CFAP68: variants seen among roughly 807,000 people sequenced by gnomAD.
CFAP68 encodes cilia and flagella associated protein 68, also known as cilia- and flagella-associated protein 68.
chr11:111,881,716 C>G, the CFAP68 span: 1 of 1,301,534 alleles, frequency 7.7e-7, no homozygotes. Flanking sequence ...CATTGATCAT[C>G]TGGTATATGC....
the CFAP68 span, chr11:111,882,655 T>G: frequency 1.4e-6 from 2 of 1,404,826 alleles, no homozygotes; most frequent in Non-Finnish European, 1.9e-6. Flanking sequence ...AAAAGAAATG[T>G]AGTGGCCATT....
chr11:111,883,845 A>G, the CFAP68 span: 1 of 1,612,748 alleles, frequency 6.2e-7, no homozygotes, highest in Non-Finnish European at 8.5e-7. Flanking sequence ...ATGCACAGAA[A>G]AGTCAACTTA....
At chr11:111,882,418 T>A in the CFAP68 span, 5 of 1,614,228 alleles carry the variant, frequency 3.1e-6, no homozygotes, top group Non-Finnish European at 3.4e-6. Flanking sequence ...GCAGCCTTGT[T>A]AATGCAGATG....
chr11:111,880,936 C>A, the CFAP68 span: 1 of 372,158 alleles, frequency 2.7e-6, no homozygotes, highest in South Asian at 2.0e-5. Context: ...ATTATACTTT[C>A]ACTTTGAAAA....
the CFAP68 span, chr11:111,885,624 G>C: frequency 6.6e-6 from 1 of 152,068 alleles, no homozygotes; most frequent in African/African-American, 2.4e-5. Context: ...GGTAAACTTA[G>C]GAAATCAACA....
At chr11:111,883,870 C>G in the CFAP68 span, 1 of 1,596,958 alleles carries the variant, frequency 6.3e-7, no homozygotes, top group Non-Finnish European at 8.6e-7. Flanking sequence ...AATAGCTATT[C>G]AAAGCCTTAA....
the CFAP68 span, chr11:111,885,557 T>C: frequency 6.6e-6 from 1 of 152,174 alleles, no homozygotes; most frequent in African/African-American, 2.4e-5. Context: ...TGGTTTAAAA[T>C]GAGTCAAAAT....
the CFAP68 span, chr11:111,885,416 C>A: frequency 6.6e-6 from 1 of 152,164 alleles, no homozygotes; most frequent in Admixed American, 6.5e-5. Flanking sequence ...AACCTGTTGA[C>A]TAAACAAAGC....
the CFAP68 span, chr11:111,884,087 CT>C: frequency 3.8e-5 from 17 of 446,548 alleles, no homozygotes; most frequent in East Asian, 1.2e-4. Context: ...TTCTTTATCC[CT>C]TTTTTTGTTG....
chr11:111,882,560 C>A, the CFAP68 span: 1 of 1,611,888 alleles, frequency 6.2e-7, no homozygotes, highest in Non-Finnish European at 8.5e-7. Context: ...AAGATATGAC[C>A]TGAGGAATAT....
At chr11:111,879,699 T>A in the CFAP68 span, 1 of 1,376,996 alleles carries the variant, frequency 7.3e-7, no homozygotes, top group Non-Finnish European at 1.0e-6. Context: ...GATATGTGGA[T>A]GAACAAAATG....
chr11:111,881,446 T>C, the CFAP68 span: 1 of 1,535,438 alleles, frequency 6.5e-7, no homozygotes, highest in Non-Finnish European at 8.7e-7. Flanking sequence ...CATGGCCACT[T>C]GCCCATGGTA....
chr11:111,881,782 C>T, the CFAP68 span, among the ~76,000 whole-genome samples: 36 of 152,272 alleles, frequency 2.4e-4, no homozygotes, highest in Middle Eastern at 3.4e-3. Context: ...ATGAATAAAA[C>T]AGATCCTGTC....
the CFAP68 span, chr11:111,881,084 G>A: frequency 1.7e-6 from 1 of 579,466 alleles, no homozygotes; most frequent in Non-Finnish European, 2.4e-6. Context: ...AATGGAGGGT[G>A]GCAGTCTGAT....
chr11:111,883,280 A>C, the CFAP68 span: 5 of 1,269,794 alleles, frequency 3.9e-6, no homozygotes, highest in South Asian at 2.6e-5. Context: ...AACTCAAATA[A>C]AAGTAAACTG....
At chr11:111,881,273 C>T in the CFAP68 span, 2 of 1,410,894 alleles carry the variant, frequency 1.4e-6, no homozygotes, top group Middle Eastern at 2.6e-4. Context: ...CTTTGTGGCA[C>T]CAGCTACTCT....
At chr11:111,880,390 T>G in the CFAP68 span, among the ~76,000 whole-genome samples, 10 of 152,288 alleles carry the variant, frequency 6.6e-5, no homozygotes, top group African/African-American at 2.4e-4. Flanking sequence ...TAAGGCATTC[T>G]TAGTCACAGG....
the CFAP68 span, among the ~76,000 whole-genome samples, chr11:111,880,250 GTCCATGTTTGCTCAATGTTTAGC>G: frequency 6.6e-6 from 1 of 152,016 alleles, no homozygotes; most frequent in Non-Finnish European, 1.5e-5. Flanking sequence ...CCATGTTTAG[GTCCATGTTTGCTCAATGTTTAGC>G]TCCCACTTAT....
chr11:111,880,292 A>G, the CFAP68 span, among the ~76,000 whole-genome samples: 3 of 152,164 alleles, frequency 2.0e-5, no homozygotes. Flanking sequence ...ATAAGTGAGA[A>G]TGTCAGAGGT....
Sources: gnomAD v4.1 joint callset for allele counts (sites outside exome capture counted in the v4.1 genomes callset) on GRCh38, gnomAD v4.1.1 for gene constraint, MANE v1.5 for transcripts, NCBI Gene and HGNC (gene_info 2026-07-23, HGNC 2026-07-21) for gene names.